The following ERP44 variants were observed in gnomAD, a reference collection of about 807,000 sequenced individuals.
ERP44 encodes the protein endoplasmic reticulum resident protein 44.
A neutral mutation model predicts 53.4 loss-of-function variants in ERP44; 25 were observed. The ratio of observed to expected loss-of-function variants is 0.47; its 90% confidence interval spans 0.34 to 0.65. The LOEUF (loss-of-function observed/expected upper bound fraction) is 0.65, where lower values mean the gene tolerates loss of function less well. ERP44 is among the 30% of genes least tolerant of loss of function. ERP44 has a pLI of 0.01. For missense variants in ERP44, 338 were observed against 493.2 expected, an observed-to-expected ratio of 0.69 and a Z score of 2.98; for synonymous variants, 145 against 161.2, an observed-to-expected ratio of 0.90 and a Z score of 0.76.
chr9:100,057,888 A>G (rs1826101778), intron 2 of ERP44, 29 bp from the exon 3 acceptor site: 3 of 1,500,898 alleles, frequency 2.0e-6, no homozygotes, highest in Admixed American at 1.8e-5. Context: ...ACCAAATAAG[A>G]TATTTGTAAT....
intron 1 of ERP44, among the ~76,000 whole-genome samples, chr9:100,091,551 C>T (rs146928255): frequency 3.3e-5 from 5 of 152,236 alleles, no homozygotes; most frequent in African/African-American, 9.6e-5. Flanking sequence ...AAAAATAAAA[C>T]AATAAAAAAC....
intron 10 of ERP44, among the ~76,000 whole-genome samples, chr9:99,997,348 G>GTAT (rs1314060771): frequency 2.0e-5 from 3 of 151,930 alleles, no homozygotes; most frequent in Admixed American, 2.0e-4. Context: ...AAATAAGGTG[G>GTAT]TATTGCATTG....
intron 10 of ERP44, among the ~76,000 whole-genome samples, chr9:100,004,531 CCTTT>C (rs1376369937): frequency 6.6e-6 from 1 of 152,172 alleles, no homozygotes; most frequent in Non-Finnish European, 1.5e-5. Context: ...GCCACAGAAG[CCTTT>C]CTGGCACTGG....
In ERP44 at chr9:100,038,635, G is replaced by A. The variant is rs374398964; in HGVS notation, c.286+13782C>T. 2.6e-5 allele frequency among the ~76,000 whole-genome samples: 4 copies of A among 152,212 alleles called. No individual in the cohort carries two copies. The South Asian group carries it at 6.2e-4, about 24-fold the overall frequency. ...AGAAATAACAAAATGGAAGGCGTAT[G>A]CCTTTACTTATCAATAATAACACTG... On this transcript the variant is annotated intron_variant, in intron 4 of 11. Coordinates refer to ENST00000262455, the MANE Select transcript of ERP44 (RefSeq NM_015051.3).
chr9:100,016,418 C>T lies in ERP44; in HGVS notation c.666G>A (p.Val222=). Residue 222 remains valine, a synonymous_variant, in exon 8 of 12, where the codon GTG becomes GTA. Coordinates refer to ENST00000262455, the MANE Select transcript of ERP44 (RefSeq NM_015051.3). ...KPPGHSAPDM[V]YLGAMTNFDV... ...CAAAATTTGTCATAGCTCCCAAGTA[C>T]ACCATATCCGGAGCAGAATGCTATT... The T allele has an allele frequency of 6.2e-7, 1 of 1,609,948 alleles. No individual in the cohort carries two copies. The highest frequency in any genetic ancestry group is 1.3e-5 in the African/African-American group (1 of 74,710).
intron 4 of ERP44, among the ~76,000 whole-genome samples, chr9:100,041,940 A>C (rs976337427): frequency 1.8e-4 from 27 of 152,356 alleles, no homozygotes; most frequent in African/African-American, 6.5e-4. Flanking sequence ...TCAGACTTCA[A>C]ACTATGAAAC....
intron 10 of ERP44, 130 bp from the exon 11 acceptor site, chr9:99,985,199 G>A (rs930487288): frequency 3.3e-6 from 2 of 611,876 alleles, no homozygotes; most frequent in South Asian, 2.0e-5. Context: ...TGCAGGCCAG[G>A]TATGTGTGAA....
Position 99,986,206 on chromosome 9 carries a change from T to C in ERP44, c.1017-1137A>G, listed in dbSNP as rs137959089. ...GTGAGCAAATTATACCTATAAAACA[T>C]CAGTTGGTTTTTACTATCTGTCTAC... On this transcript the variant is annotated intron_variant, in intron 10 of 11. Transcript: ENST00000262455. Among the ~76,000 whole-genome samples, 13 of 152,312 alleles carry C rather than the reference T, an allele frequency of 8.5e-5. No homozygotes were observed. In the East Asian group the frequency reaches 2.5e-3, roughly 29 times the overall value.
chr9:100,078,138 G>A (rs1161519911), intron 1 of ERP44, among the ~76,000 whole-genome samples: 1 of 152,226 alleles, frequency 6.6e-6, no homozygotes, highest in African/African-American at 2.4e-5. Context: ...AAACGTTTGT[G>A]CATGTATGTA....
chr9:100,081,273 TA>T (rs1410711239), intron 1 of ERP44, among the ~76,000 whole-genome samples: 1 of 152,110 alleles, frequency 6.6e-6, no homozygotes, highest in Non-Finnish European at 1.5e-5. Context: ...AGCTGGGGGA[TA>T]CCCATCTTTA....
intron 4 of ERP44, among the ~76,000 whole-genome samples, chr9:100,034,422 T>G (rs1435792667): frequency 6.6e-6 from 1 of 152,046 alleles, no homozygotes; most frequent in Non-Finnish European, 1.5e-5. Flanking sequence ...CCTAGAAAAC[T>G]CAAATAATCC....
Position 99,981,615 on chromosome 9 carries a change from C to T in ERP44, c.*997G>A, listed in dbSNP as rs1227024856. ...AGGCCTGGCACAGGGACCCATCTTACTGTATGCTGCAGGCCTGGGGAAATC... is the reference window on the plus strand; with the variant it reads ...AGGCCTGGCACAGGGACCCATCTTATTGTATGCTGCAGGCCTGGGGAAATC... On this transcript the variant is annotated 3_prime_UTR_variant, in exon 12 of 12. Coordinates refer to ENST00000262455, the MANE Select transcript of ERP44 (RefSeq NM_015051.3). 2 of 152,722 alleles carry T rather than the reference C, an allele frequency of 1.3e-5. No individual in the cohort carries two copies. Among genetic ancestry groups the T allele is most frequent in the East Asian group, 3.9e-4 (2 of 5,192 alleles). 9.5% of individuals were successfully genotyped at this position (152,722 alleles called of 1,614,324 possible).
intron 4 of ERP44, among the ~76,000 whole-genome samples, chr9:100,041,692 TAAAC>T (rs1483731597): frequency 2.6e-5 from 4 of 151,564 alleles, no homozygotes; most frequent in African/African-American, 7.3e-5. Context: ...ACAACAACAA[TAAAC>T]AAACAAAAAA....
chr9:100,017,069 A>G (rs187346254), intron 7 of ERP44, among the ~76,000 whole-genome samples: 1 of 152,358 alleles, frequency 6.6e-6, no homozygotes, highest in African/African-American at 2.4e-5. Context: ...AAGATGCTAT[A>G]TGGATGTAAG....
intron 8 of ERP44, 124 bp from the exon 9 acceptor site, chr9:100,007,813 A>G (rs1037780265): frequency 1.9e-4 from 124 of 662,158 alleles, no homozygotes; most frequent in South Asian, 7.4e-4. Flanking sequence ...CCGGGGGAAA[A>G]AAAAGGCCCA....
At chr9:100,049,757 C>G (rs940147302) in intron 4 of ERP44, among the ~76,000 whole-genome samples, 1 of 152,102 alleles carries the variant, frequency 6.6e-6, no homozygotes, top group Admixed American at 6.5e-5. Context: ...CATTTCACAT[C>G]TAGGTATTTG....
At chr9:100,073,400 A>C (rs1416404025) in intron 1 of ERP44, among the ~76,000 whole-genome samples, 1 of 152,180 alleles carries the variant, frequency 6.6e-6, no homozygotes, top group Non-Finnish European at 1.5e-5. Context: ...TCTGCAGTCT[A>C]TGAGTTGGGA....
intron 10 of ERP44, among the ~76,000 whole-genome samples, chr9:99,994,012 G>A (rs1830284031): frequency 6.6e-6 from 1 of 152,118 alleles, no homozygotes; most frequent in Admixed American, 6.6e-5. Flanking sequence ...ACAGGTGCTG[G>A]AGAGGATGTG....
At chr9:100,036,202 T>G (rs928321859) in intron 4 of ERP44, among the ~76,000 whole-genome samples, 1 of 152,210 alleles carries the variant, frequency 6.6e-6, no homozygotes, top group East Asian at 1.9e-4. Flanking sequence ...CACAACTGAT[T>G]ACTATGCAGC....
Sources: gnomAD v4.1 joint callset for allele counts (sites outside exome capture counted in the v4.1 genomes callset) on GRCh38, gnomAD v4.1.1 for gene constraint, MANE v1.5 for transcripts, NCBI Gene and HGNC (gene_info 2026-07-23, HGNC 2026-07-21) for gene names.